Variants in KLHL1 observed in about 807,000 individuals in gnomAD.
KLHL1 encodes kelch-like protein 1.
Under a neutral mutation model 77.7 loss-of-function variants are expected in KLHL1, and 47 were observed. The ratio of observed to expected loss-of-function variants is 0.60; its 90% CI spans 0.48 to 0.77. KLHL1 has a LOEUF of 0.77. KLHL1 is among the 30% of genes least tolerant of loss of function. KLHL1 has a pLI of 0.00. For missense variants in KLHL1, 925 were observed against 910.8 expected, an observed-to-expected ratio of 1.02 and a Z score of -0.20; for synonymous variants, 360 against 325.2, an observed-to-expected ratio of 1.11 and a Z score of -1.15.
chr13:69,996,910 A>ATTTTTTTTTTTTTTTTTTTTTTTTTTT (rs10549532), intron 1 of KLHL1, among the ~76,000 whole-genome samples: 1 of 71,240 alleles, frequency 1.4e-5, no homozygotes, highest in Non-Finnish European at 2.5e-5. Context: ...TATTCATTAA[A>ATTTTTTTTTTTTTTTTTTTTTTTTTTT]TTTTTTTTTT....
chr13:69,934,986 A>G (rs908026715), intron 4 of KLHL1, among the ~76,000 whole-genome samples: 3 of 134,220 alleles, frequency 2.2e-5, no homozygotes, highest in Admixed American at 7.2e-5. Flanking sequence ...ATATATATAT[A>G]TATGTATATA....
chr13:69,854,684 GC>G (rs1293419893), intron 5 of KLHL1, among the ~76,000 whole-genome samples: 2 of 151,968 alleles, frequency 1.3e-5, no homozygotes, highest in African/African-American at 4.8e-5. Context: ...ATTAATTAAT[GC>G]CATTTGCATT....
rs58927181 is a variant in KLHL1, at chr13:69,898,278, C to T, written c.1015-15783G>A. 8.1e-3 allele frequency among the ~76,000 whole-genome samples: 1,236 copies of T among 152,302 alleles called. 23 individuals carry two copies. Among genetic ancestry groups the T allele is most frequent in the African/African-American group, 0.028 (1,180 of 41,570 alleles). On this transcript the variant is annotated intron_variant, in intron 4 of 10. Transcript: ENST00000377844. ...AGGATGAAATGTAGAGCCCTGCAAA[C>T]TTTTACATGGACCTCAGGACTGGGT...
chr13:69,998,513 C>T (rs544757969), intron 1 of KLHL1, among the ~76,000 whole-genome samples: 2 of 152,194 alleles, frequency 1.3e-5, no homozygotes, highest in South Asian at 4.1e-4. Flanking sequence ...TCCATCATTA[C>T]ACACAAATTG....
chr13:69,903,789 G>T (rs995647820), intron 4 of KLHL1, among the ~76,000 whole-genome samples: 2 of 150,908 alleles, frequency 1.3e-5, no homozygotes, highest in Non-Finnish European at 3.0e-5. Flanking sequence ...TTACAGGTGC[G>T]TACCACCATG....
intron 1 of KLHL1, among the ~76,000 whole-genome samples, chr13:70,016,007 T>C (rs1172490572): frequency 6.6e-6 from 1 of 152,206 alleles, no homozygotes; most frequent in Non-Finnish European, 1.5e-5. Context: ...AAAAATAATG[T>C]ATAGAAAGAT....
At chr13:69,742,698 G>A (rs1874035690) in intron 7 of KLHL1, among the ~76,000 whole-genome samples, 1 of 152,076 alleles carries the variant, frequency 6.6e-6, no homozygotes, top group Non-Finnish European at 1.5e-5. Context: ...TAGCCAAATA[G>A]CATTAAAAAT....
intron 7 of KLHL1, among the ~76,000 whole-genome samples, chr13:69,753,366 T>C (rs1874569879): frequency 6.6e-6 from 1 of 152,194 alleles, no homozygotes; most frequent in South Asian, 2.1e-4. Context: ...CACAAGAGGA[T>C]GACATCATTA....
chr13:69,946,446 G>T (rs1033297840), intron 3 of KLHL1, among the ~76,000 whole-genome samples: 2 of 152,078 alleles, frequency 1.3e-5, no homozygotes, highest in Admixed American at 6.6e-5. Flanking sequence ...TAAATGCAAA[G>T]AAAAATCAAA....
chr13:69,790,277 T>G (rs1876809311), intron 7 of KLHL1, among the ~76,000 whole-genome samples: 1 of 152,162 alleles, frequency 6.6e-6, no homozygotes, highest in Non-Finnish European at 1.5e-5. Flanking sequence ...AAAATAAGGC[T>G]GGGAACAATA....
At chr13:70,021,410 T>TA (rs1885790287) in intron 1 of KLHL1, among the ~76,000 whole-genome samples, 1 of 152,048 alleles carries the variant, frequency 6.6e-6, no homozygotes. Context: ...TCCATTCACA[T>TA]ACTGAAGGGC....
chr13:69,997,467 C>A (rs1885184179), intron 1 of KLHL1, among the ~76,000 whole-genome samples: 1 of 151,118 alleles, frequency 6.6e-6, no homozygotes, highest in African/African-American at 2.4e-5. Flanking sequence ...TCCCCATTTT[C>A]TCTCCCTTCT....
chr13:70,011,591 G>C (rs1885534756), intron 1 of KLHL1, among the ~76,000 whole-genome samples: 1 of 152,132 alleles, frequency 6.6e-6, no homozygotes, highest in Admixed American at 6.5e-5. Flanking sequence ...TCAAGTGATA[G>C]AGTTATCCCT....
intron 5 of KLHL1, among the ~76,000 whole-genome samples, chr13:69,860,863 AC>A (rs906139731): frequency 9.2e-5 from 14 of 151,868 alleles, no homozygotes; most frequent in African/African-American, 2.9e-4. Flanking sequence ...TTAAAAAAAA[AC>A]ATACTAATAG....
At chr13:69,713,098 G>A (rs770926203) in intron 9 of KLHL1, among the ~76,000 whole-genome samples, 4 of 151,904 alleles carry the variant, frequency 2.6e-5, no homozygotes, top group Non-Finnish European at 4.4e-5. Context: ...CCAAAGAGCT[G>A]GAATTAAAGG....
intron 7 of KLHL1, among the ~76,000 whole-genome samples, chr13:69,743,971 C>G (rs1203922687): frequency 6.6e-6 from 1 of 151,932 alleles, no homozygotes; most frequent in Non-Finnish European, 1.5e-5. Context: ...TTTAAAGGGA[C>G]TATTACACAT....
intron 5 of KLHL1, among the ~76,000 whole-genome samples, chr13:69,854,036 T>C (rs1879794337): frequency 6.6e-6 from 1 of 152,058 alleles, no homozygotes; most frequent in Non-Finnish European, 1.5e-5. Flanking sequence ...AGATAATCCA[T>C]CCTGATCCTA....
At chr13:70,097,304 C>G (rs1045377589) in intron 1 of KLHL1, among the ~76,000 whole-genome samples, 9 of 151,934 alleles carry the variant, frequency 5.9e-5, no homozygotes, top group African/African-American at 2.2e-4. Context: ...ACAACAAAAA[C>G]AAATCCTCAA....
chr13:69,874,170 C>T (rs1230023830), intron 5 of KLHL1, among the ~76,000 whole-genome samples: 1 of 152,044 alleles, frequency 6.6e-6, no homozygotes, highest in East Asian at 1.9e-4. Context: ...AGACTATGCA[C>T]CTCCCTTTAG....
Sources: gnomAD v4.1 joint callset for allele counts (sites outside exome capture counted in the v4.1 genomes callset) on GRCh38, gnomAD v4.1.1 for gene constraint, MANE v1.5 for transcripts, NCBI Gene and HGNC (gene_info 2026-07-23, HGNC 2026-07-21) for gene names.